The following FAM222A variants were observed in gnomAD, a reference collection of about 807,000 sequenced individuals.
FAM222A encodes the protein family with sequence similarity 222 member A.
A neutral mutation model predicts 25.8 loss-of-function variants in FAM222A; 7 were observed. That is an observed-to-expected ratio of 0.27 (90% CI 0.15 to 0.51). FAM222A has a LOEUF of 0.51. Among genes scored for constraint, FAM222A ranks in the 20% least tolerant of loss-of-function variants. The pLI, the probability that FAM222A is intolerant of heterozygous loss-of-function variation, is 0.97. For synonymous variants in FAM222A, 294 were observed against 298.8 expected (o/e 0.98, Z 0.17); for missense variants, 573 against 640.5 (o/e 0.89, Z 1.14).
chr12:109,760,394 G>A (rs570662855), intron 2 of FAM222A, among the ~76,000 whole-genome samples: 5 of 152,278 alleles, frequency 3.3e-5, no homozygotes, highest in African/African-American at 7.2e-5. Flanking sequence ...GAATGGGCCC[G>A]AGCCACAGTA....
chr12:109,717,803 T>C (rs958782056), intron 1 of FAM222A, among the ~76,000 whole-genome samples: 2 of 152,212 alleles, frequency 1.3e-5, no homozygotes, highest in Admixed American at 6.5e-5. Context: ...TTCTCACTTA[T>C]CTAATTCCTG....
At position 109,744,103 on chromosome 12, in the gene FAM222A, A is replaced by AC. The variant is rs1888320426; in HGVS notation, c.-41dup. The AC allele has an allele frequency of 6.2e-7, 1 of 1,601,130 alleles. No homozygotes were observed. Among genetic ancestry groups the AC allele is most frequent in the Non-Finnish European group, 8.5e-7 (1 of 1,174,824 alleles). ...AGCACCCCATCTTCCTCCTGCAGGG[A>AC]CCCAGTCGCAGAGCGCACCCCACTG... On this transcript the variant is annotated 5_prime_UTR_variant, in exon 2 of 3. Transcript: ENST00000538780.
rs547442967 is a variant in FAM222A, at chr12:109,748,639, G to C, written c.82+4411G>C. 4.6e-5 allele frequency among the ~76,000 whole-genome samples: 7 copies of C among 152,004 alleles called. No individual in the cohort carries two copies. The South Asian group carries it at 1.5e-3, about 32-fold the overall frequency. On this transcript the variant is annotated intron_variant, in intron 2 of 2. Coordinates refer to ENST00000538780, the MANE Select transcript of FAM222A (RefSeq NM_032829.3). Reference sequence around the variant, plus strand: ...CTCTAGAAAAGTATCCATTTTATCCGGGTCTTCAGATTGATTTGCATTAGT... The same window carrying C: ...CTCTAGAAAAGTATCCATTTTATCCCGGTCTTCAGATTGATTTGCATTAGT...
intron 1 of FAM222A, among the ~76,000 whole-genome samples, chr12:109,729,439 C>T (rs1887901441): frequency 6.6e-6 from 1 of 152,198 alleles, no homozygotes; most frequent in African/African-American, 2.4e-5. Flanking sequence ...CCCTGAGCCC[C>T]TCAAGACACC....
intron 1 of FAM222A, among the ~76,000 whole-genome samples, chr12:109,721,414 C>G (rs1412035526): frequency 6.6e-6 from 1 of 151,214 alleles, no homozygotes; most frequent in East Asian, 2.0e-4. Flanking sequence ...GATGGCAAAT[C>G]TGTGGCAGGC....
At chr12:109,732,364 G>T (rs1425578548) in intron 1 of FAM222A, among the ~76,000 whole-genome samples, 1 of 152,250 alleles carries the variant, frequency 6.6e-6, no homozygotes, top group Non-Finnish European at 1.5e-5. Context: ...GGAACATTCT[G>T]CCCAGGTGCT....
intron 1 of FAM222A, among the ~76,000 whole-genome samples, chr12:109,727,514 T>G (rs772247535): frequency 4.6e-5 from 7 of 152,160 alleles, no homozygotes; most frequent in Non-Finnish European, 4.4e-5. Context: ...AAGGCAGCCA[T>G]TAACCTGGTT....
At chr12:109,765,687 GAGGTGTC>G (rs1889028837) in intron 2 of FAM222A, among the ~76,000 whole-genome samples, 1 of 152,152 alleles carries the variant, frequency 6.6e-6, no homozygotes, top group African/African-American at 2.4e-5. Flanking sequence ...GTGAGCCCAC[GAGGTGTC>G]AGGGACGATG....
intron 1 of FAM222A, among the ~76,000 whole-genome samples, chr12:109,717,822 T>C (rs569731579): frequency 6.6e-6 from 1 of 152,298 alleles, no homozygotes; most frequent in East Asian, 1.9e-4. Context: ...TGTAAGCTCG[T>C]CCATCCCCTG....
intron 1 of FAM222A, among the ~76,000 whole-genome samples, chr12:109,716,189 C>G (rs948984344): frequency 6.6e-6 from 1 of 152,204 alleles, no homozygotes. Flanking sequence ...AGTACTGGCA[C>G]GCTTCCCTGC....
intron 1 of FAM222A, among the ~76,000 whole-genome samples, chr12:109,732,595 G>A (rs1392098831): frequency 6.6e-6 from 1 of 152,244 alleles, no homozygotes; most frequent in Admixed American, 6.5e-5. Context: ...ATTCAATCTC[G>A]GCTTTGTGCT....
intron 2 of FAM222A, among the ~76,000 whole-genome samples, chr12:109,745,720 A>T (rs1888381180): frequency 6.6e-6 from 1 of 152,166 alleles, no homozygotes; most frequent in South Asian, 2.1e-4. Flanking sequence ...TGCCCAGGCT[A>T]GTCTCAAACT....
chr12:109,734,208 C>CA (rs11403160), intron 1 of FAM222A: 20,791 of 72,298 alleles, frequency 0.29, 2,064 homozygotes, highest in Middle Eastern at 0.44. Context: ...ACCCTGTCTC[C>CA]AAAAAAAAAA....
At chr12:109,755,287 C>CTTTTTTTTTTTTTTTTT (rs540689300) in intron 2 of FAM222A, among the ~76,000 whole-genome samples, 1 of 49,384 alleles carries the variant, frequency 2.0e-5, no homozygotes, top group Non-Finnish European at 3.4e-5. Flanking sequence ...TGTAATTCTT[C>CTTTTTTTTTTTTTTTTT]TTTTTTTTTT....
chr12:109,747,893 A>T (rs1011517253), intron 2 of FAM222A, among the ~76,000 whole-genome samples: 1 of 152,204 alleles, frequency 6.6e-6, no homozygotes, highest in African/African-American at 2.4e-5. Context: ...TTTATACCTT[A>T]ATTTCTTTAT....
Position 109,714,255 on chromosome 12 carries a change from A to G in FAM222A, c.-689A>G. On this transcript the variant is annotated 5_prime_UTR_variant, in exon 1 of 3. Coordinates refer to ENST00000538780, the MANE Select transcript of FAM222A (RefSeq NM_032829.3). The surrounding 1 kb of genome is among the most constrained non-coding windows in gnomAD (Gnocchi z 4.2). ...CTGTTCGCCGGCTTCCCCTCCCCCCACACCCGGGGCTCAGAGCAGGAGGAG... is the reference window on the plus strand; with the variant it reads ...CTGTTCGCCGGCTTCCCCTCCCCCCGCACCCGGGGCTCAGAGCAGGAGGAG... 1 of 187,978 alleles carries G rather than the reference A, an allele frequency of 5.3e-6. No homozygotes were observed. The highest frequency in any genetic ancestry group is 1.1e-5 in the Non-Finnish European group (1 of 92,500). The allele number at this position is 187,978 out of a possible 1,614,324, so 11.6% of individuals were successfully genotyped here. A position where few individuals can be genotyped will look rare whatever the true frequency, so the allele number is the denominator to read the frequency against.
intron 2 of FAM222A, among the ~76,000 whole-genome samples, chr12:109,747,977 G>C (rs1888449464): frequency 6.6e-6 from 1 of 152,124 alleles, no homozygotes; most frequent in African/African-American, 2.4e-5. Context: ...TTCTTGCTTT[G>C]TAGCTTCTAG....
At chr12:109,746,359 C>T (rs531702824) in intron 2 of FAM222A, among the ~76,000 whole-genome samples, 1 of 152,208 alleles carries the variant, frequency 6.6e-6, no homozygotes, top group South Asian at 2.1e-4. Context: ...CATGGTGGCA[C>T]ATGCCTGTAA....
intron 2 of FAM222A, among the ~76,000 whole-genome samples, chr12:109,757,710 C>T (rs1388292179): frequency 7.4e-6 from 1 of 135,662 alleles, no homozygotes; most frequent in East Asian, 2.5e-4. Flanking sequence ...TAGAGAGCCA[C>T]GGATGTGGCT....
Sources: gnomAD v4.1 joint callset for allele counts (sites outside exome capture counted in the v4.1 genomes callset) on GRCh38, gnomAD v4.1.1 for gene constraint, Gnocchi (gnomAD v3.1) non-coding constraint, MANE v1.5 for transcripts, NCBI Gene and HGNC (gene_info 2026-07-23, HGNC 2026-07-21) for gene names.